The following TAOK3 variants were observed in gnomAD, a reference collection of about 807,000 sequenced individuals.
TAOK3 encodes serine/threonine-protein kinase TAO3.
Under a neutral mutation model 120.4 loss-of-function variants are expected in TAOK3, and 40 were observed. The observed-to-expected ratio is 0.33, with a 90% confidence interval of 0.26 to 0.43. TAOK3 has a LOEUF of 0.43. TAOK3 is among the 20% of genes least tolerant of loss of function. TAOK3 has a pLI of 1.00. For missense variants in TAOK3, 821 were observed against 1,112.1 expected, an observed-to-expected ratio of 0.74 and a Z score of 3.72; for synonymous variants, 355 against 387.5, an observed-to-expected ratio of 0.92 and a Z score of 0.99.
intron 14 of TAOK3, among the ~76,000 whole-genome samples, chr12:118,182,581 G>A (rs1219434296): frequency 1.2e-5 from 1 of 85,910 alleles, no homozygotes; most frequent in African/African-American, 4.4e-5. Flanking sequence ...TTTTGTATAT[G>A]TGTGTGTGTG....
Position 118,150,810 on chromosome 12 carries a change from G to T in TAOK3, c.*187C>A. The T allele has an allele frequency of 1.6e-6, 1 of 615,310 alleles. No homozygotes were observed. 38.1% of individuals were successfully genotyped at this position (615,310 alleles called of 1,614,324 possible). ...GGCCAGCACTGAAAGTTGACACGGGGGGAGGAAGGGGGCCCCTGATGGAGT... is the reference window on the plus strand; with the variant it reads ...GGCCAGCACTGAAAGTTGACACGGGTGGAGGAAGGGGGCCCCTGATGGAGT... On this transcript the variant is annotated 3_prime_UTR_variant, in exon 21 of 21. Transcript: ENST00000392533.
At chr12:118,300,248 C>T (rs748423694) in intron 1 of TAOK3, among the ~76,000 whole-genome samples, 28 of 152,102 alleles carry the variant, frequency 1.8e-4, no homozygotes, top group Non-Finnish European at 3.4e-4. Flanking sequence ...TACTATTTAG[C>T]AAAAATTGAA....
At chr12:118,158,835 C>T (rs1378649770) in intron 19 of TAOK3, among the ~76,000 whole-genome samples, 2 of 152,208 alleles carry the variant, frequency 1.3e-5, no homozygotes, top group East Asian at 1.9e-4. Context: ...ACTATCCTCC[C>T]GCTTTCCCTC....
At chr12:118,297,979 TG>T (rs1369722951) in intron 1 of TAOK3, among the ~76,000 whole-genome samples, 5 of 152,184 alleles carry the variant, frequency 3.3e-5, no homozygotes, top group Non-Finnish European at 7.4e-5. Context: ...GGGCTCTCAC[TG>T]TGTTGCCCAG....
chr12:118,343,255 C>A (rs1288244087), intron 1 of TAOK3, among the ~76,000 whole-genome samples: 2 of 151,852 alleles, frequency 1.3e-5, no homozygotes, highest in African/African-American at 4.8e-5. Flanking sequence ...TGGTGAAACC[C>A]TGTCTCTACA....
At chr12:118,156,970 C>T (rs1175045477) in intron 19 of TAOK3, among the ~76,000 whole-genome samples, 1 of 152,094 alleles carries the variant, frequency 6.6e-6, no homozygotes, top group Admixed American at 6.6e-5. Flanking sequence ...GAACTCCTGA[C>T]CTCAGGTGAT....
At chr12:118,191,117 AAAG>A (rs1315435552) in intron 13 of TAOK3, among the ~76,000 whole-genome samples, 1 of 152,242 alleles carries the variant, frequency 6.6e-6, no homozygotes, top group African/African-American at 2.4e-5. Context: ...AACAAAAATT[AAAG>A]AAGTTTAGAA....
intron 14 of TAOK3, among the ~76,000 whole-genome samples, chr12:118,183,143 C>T (rs762423284): frequency 4.6e-5 from 7 of 152,132 alleles, no homozygotes; most frequent in Non-Finnish European, 1.0e-4. Context: ...GCCTAACACC[C>T]AACCAAGCTT....
chr12:118,343,783 C>T (rs1319363958), intron 1 of TAOK3, among the ~76,000 whole-genome samples: 1 of 151,966 alleles, frequency 6.6e-6, no homozygotes, highest in Admixed American at 6.6e-5. Flanking sequence ...GAGGCCGAGG[C>T]AGGTGGATCA....
chr12:118,326,760 A>G (rs117546206), intron 1 of TAOK3, among the ~76,000 whole-genome samples: 2,428 of 152,310 alleles, frequency 0.016, 28 homozygotes, highest in Middle Eastern at 0.054. Context: ...AGTTGCTGGT[A>G]AAACATTCAG....
At chr12:118,213,965 C>G (rs1022584144) in intron 10 of TAOK3, 52 bp downstream of exon 10, 2 of 1,459,306 alleles carry the variant, frequency 1.4e-6, no homozygotes, top group African/African-American at 2.8e-5. Flanking sequence ...ATAAAAATGT[C>G]AAATACATAC....
intron 1 of TAOK3, among the ~76,000 whole-genome samples, chr12:118,277,697 G>A (rs995693894): frequency 4.0e-5 from 6 of 151,898 alleles, no homozygotes; most frequent in African/African-American, 1.5e-4. Context: ...CTGATTTCGT[G>A]ATCCACCCAC....
intron 1 of TAOK3, among the ~76,000 whole-genome samples, chr12:118,310,990 GT>G: frequency 6.6e-6 from 1 of 152,126 alleles, no homozygotes. Flanking sequence ...TATCTACAAA[GT>G]TTGTGTAGAT....
At chr12:118,173,613 A>G (rs1022375013) in intron 16 of TAOK3, among the ~76,000 whole-genome samples, 1 of 152,234 alleles carries the variant, frequency 6.6e-6, no homozygotes, top group Non-Finnish European at 1.5e-5. Flanking sequence ...AATTTTAGGA[A>G]AAAACATTCT....
chr12:118,268,519 T>C (rs919090459), intron 1 of TAOK3, among the ~76,000 whole-genome samples: 4 of 152,220 alleles, frequency 2.6e-5, no homozygotes, highest in Non-Finnish European at 5.9e-5. Context: ...TCCGATTCTG[T>C]CTGTGGCTGT....
intron 2 of TAOK3, among the ~76,000 whole-genome samples, chr12:118,265,325 G>C: frequency 6.6e-6 from 1 of 150,376 alleles, no homozygotes; most frequent in African/African-American, 2.4e-5. Flanking sequence ...GGAGGTGGAG[G>C]TTGTAGTGAG....
At chr12:118,260,111 G>A (rs2041160444) in intron 2 of TAOK3, among the ~76,000 whole-genome samples, 1 of 152,096 alleles carries the variant, frequency 6.6e-6, no homozygotes, top group Non-Finnish European at 1.5e-5. Flanking sequence ...GGTCTGTGAT[G>A]CCTAACAATT....
chr12:118,274,139 C>CA (rs1171011588), intron 1 of TAOK3, among the ~76,000 whole-genome samples: 94 of 147,036 alleles, frequency 6.4e-4, no homozygotes, highest in African/African-American at 8.0e-4. Flanking sequence ...ACCAAAAAAA[C>CA]AAAAAAAAAA....
At chr12:118,205,366 CAAA>C (rs1207495126) in intron 11 of TAOK3, among the ~76,000 whole-genome samples, 1 of 128,032 alleles carries the variant, frequency 7.8e-6, no homozygotes, top group Non-Finnish European at 1.7e-5. Flanking sequence ...GACTCTGTCT[CAAA>C]AAAAAAAAAA....
Sources: allele counts gnomAD v4.1 joint callset (sites outside exome capture counted in the v4.1 genomes callset), GRCh38; gene constraint gnomAD v4.1.1; transcripts MANE v1.5; gene names NCBI Gene and HGNC (gene_info 2026-07-23, HGNC 2026-07-21).